MGAT5B: variants seen among roughly 807,000 people sequenced by gnomAD.
MGAT5B encodes N-acetylglucosaminyl-transferase Vb.
A neutral mutation model predicts 95.1 loss-of-function variants in MGAT5B; 54 were observed. The ratio of observed to expected loss-of-function variants is 0.57; its 90% confidence interval spans 0.46 to 0.71. MGAT5B has a LOEUF of 0.71. MGAT5B is among the 30% of genes least tolerant of loss of function. The probability of loss-of-function intolerance (pLI) is 0.00; values close to 1 mark genes in which losing one functional copy is unlikely to be tolerated. For synonymous variants in MGAT5B, 464 were observed against 451.0 expected (o/e 1.03, Z -0.36); for missense variants, 935 against 1,088.6 (o/e 0.86, Z 1.99).
chr17:76,879,732 T>G (rs2145128708), intron 2 of MGAT5B, among the ~76,000 whole-genome samples: 1 of 152,332 alleles, frequency 6.6e-6, no homozygotes, highest in Middle Eastern at 3.4e-3. Context: ...AGCTCGGTAT[T>G]GAATTTGGAT....
intron 15 of MGAT5B, among the ~76,000 whole-genome samples, chr17:76,943,036 C>G (rs1304968469): frequency 7.4e-6 from 1 of 135,174 alleles, no homozygotes; most frequent in African/African-American, 2.7e-5. Context: ...GATAACTTGC[C>G]CCCCCGGGAG....
chr17:76,934,531 T>G (rs1969592743), intron 12 of MGAT5B, among the ~76,000 whole-genome samples: 1 of 151,940 alleles, frequency 6.6e-6, no homozygotes, highest in African/African-American at 2.4e-5. Flanking sequence ...AGCTGGGAGA[T>G]GAGGCTCCCC....
intron 3 of MGAT5B, among the ~76,000 whole-genome samples, chr17:76,898,977 G>C (rs966612528): frequency 2.6e-5 from 4 of 152,222 alleles, no homozygotes; most frequent in Non-Finnish European, 5.9e-5. Flanking sequence ...GAGGACTCAG[G>C]ACTCCATTCG....
intron 3 of MGAT5B, among the ~76,000 whole-genome samples, chr17:76,882,688 C>G (rs1034102396): frequency 6.7e-6 from 1 of 150,052 alleles, no homozygotes; most frequent in Middle Eastern, 3.2e-3. Flanking sequence ...CATCTCACAG[C>G]ACATATTCCA....
At chr17:76,939,030 GT>G (rs374389694) in intron 13 of MGAT5B, among the ~76,000 whole-genome samples, 12,625 of 40,748 alleles carry the variant, frequency 0.31, 605 homozygotes, top group Non-Finnish European at 0.39. Flanking sequence ...CATCTTGGGG[GT>G]GTGTGTGTGT....
rs1307763153 is a variant in MGAT5B, at chr17:76,914,769, C to G, written c.1025+8582C>G. ...TCTCCTGCCTCAGCCTCCCGAGTAG[C>G]TGGGACTACAGGAATGTGCCACCAT... is the stretch of plus-strand genomic sequence containing the variant. On this transcript the variant is annotated intron_variant, in intron 8 of 17. Coordinates refer to ENST00000569840, the MANE Select transcript of MGAT5B (RefSeq NM_001199172.2). The surrounding 1 kb of genome is among the most constrained non-coding windows in gnomAD (Gnocchi z 5.1). Among the ~76,000 whole-genome samples, 2 of 152,150 alleles carry G rather than the reference C, an allele frequency of 1.3e-5. No individual in the cohort carries two copies. The highest frequency in any genetic ancestry group is 6.5e-5 in the Admixed American group (1 of 15,278).
intron 8 of MGAT5B, among the ~76,000 whole-genome samples, chr17:76,907,159 C>A (rs530200579): frequency 1.3e-5 from 2 of 152,010 alleles, no homozygotes; most frequent in African/African-American, 4.8e-5. Flanking sequence ...TCAAGCGATT[C>A]TCCTGCCTCA....
chr17:76,943,147 GGACT>G (rs1365446647), intron 15 of MGAT5B, among the ~76,000 whole-genome samples: 1 of 152,124 alleles, frequency 6.6e-6, no homozygotes. Flanking sequence ...ACTGGGGGAA[GGACT>G]GACTGTCTGC....
chr17:76,883,258 C>T (rs557757205), intron 3 of MGAT5B, among the ~76,000 whole-genome samples: 1 of 152,244 alleles, frequency 6.6e-6, no homozygotes, highest in Non-Finnish European at 1.5e-5. Flanking sequence ...TCTCAGCCAC[C>T]CAAAGTGCTG....
chr17:76,905,165 C>A lies in MGAT5B; in HGVS notation c.691-4C>A. Reference sequence around the variant, plus strand: ...GCAGAGAGCTGAGGTCTGGACCCCTCCAGGCAGTTTTCCGAAGCAACCTGT... The same window carrying A: ...GCAGAGAGCTGAGGTCTGGACCCCTACAGGCAGTTTTCCGAAGCAACCTGT... On this transcript the variant is annotated splice_region_variant and splice_polypyrimidine_tract_variant and intron_variant, in intron 6 of 17. Coordinates refer to ENST00000569840, the MANE Select transcript of MGAT5B (RefSeq NM_001199172.2). This position sits in a 1 kb window ranked among gnomAD's most constrained non-coding sequence, Gnocchi z 4.2. 1 of 1,607,864 alleles carries A rather than the reference C, an allele frequency of 6.2e-7. No homozygotes were observed. Among genetic ancestry groups the A allele is most frequent in the South Asian group, 1.1e-5 (1 of 90,752 alleles).
Position 76,939,025 on chromosome 17 carries a change from T to TGGGGGG in MGAT5B, c.1584+887_1584+888insGGGGGG, listed in dbSNP as rs112555397. Among the ~76,000 whole-genome samples, 44 of 128,940 alleles carry TGGGGGG rather than the reference T, an allele frequency of 3.4e-4. 1 individual carries two copies. The East Asian group carries it at 7.3e-3, about 21-fold the overall frequency. The allele number at this position is 128,940 out of a possible 152,430, so 84.6% of individuals were successfully genotyped here. ...CCATAGCTTGTTTCCCAAGGCATCT[T>TGGGGGG]GGGGGTGTGTGTGTGTGTGTGTGTG... On this transcript the variant is annotated intron_variant, in intron 13 of 17. Transcript: ENST00000569840.
In MGAT5B at chr17:76,905,172, G is replaced by C; in HGVS notation, c.694G>C (p.Val232Leu). ...APKPLPKVQAVFRSNLSHLLD... is the reference protein window; with the variant it reads ...APKPLPKVQALFRSNLSHLLD... ...GCTGAGGTCTGGACCCCTCCAGGCA[G>C]TTTTCCGAAGCAACCTGTCCCACCT... Residue 232 changes from valine (V) to leucine (L), a missense_variant, in exon 7 of 18, where the codon GTT (valine) becomes CTT (leucine). Coordinates refer to ENST00000569840, the MANE Select transcript of MGAT5B (RefSeq NM_001199172.2). This position sits in a 1 kb window ranked among gnomAD's most constrained non-coding sequence, Gnocchi z 4.2. 1 of 1,609,422 alleles carries C rather than the reference G, an allele frequency of 6.2e-7. No homozygotes were observed. The highest frequency in any genetic ancestry group is 2.2e-5 in the East Asian group (1 of 44,702).
At chr17:76,873,968 C>A (rs1406722251) in intron 2 of MGAT5B, among the ~76,000 whole-genome samples, 4 of 152,204 alleles carry the variant, frequency 2.6e-5, no homozygotes, top group African/African-American at 9.6e-5. Flanking sequence ...AATAGGTTGT[C>A]ATCTGGGTGG....
chr17:76,932,821 AG>A, intron 11 of MGAT5B, 46 bp downstream of exon 11: 2 of 1,605,368 alleles, frequency 1.2e-6, no homozygotes, highest in Non-Finnish European at 1.7e-6. Flanking sequence ...TGCTCGGCAC[AG>A]GCCCCCGCCT....
chr17:76,897,125 C>CA (rs1164972712), intron 3 of MGAT5B, among the ~76,000 whole-genome samples: 1 of 152,108 alleles, frequency 6.6e-6, no homozygotes, highest in African/African-American at 2.4e-5. Flanking sequence ...CTCTGTTGCT[C>CA]AGGCTGGTCT....
intron 15 of MGAT5B, among the ~76,000 whole-genome samples, chr17:76,942,168 T>C (rs892975060): frequency 7.2e-5 from 11 of 152,154 alleles, no homozygotes; most frequent in African/African-American, 2.7e-4. Flanking sequence ...CCTTGCTAGC[T>C]CTCAACGCAG....
chr17:76,940,516 GAGTTCTTCC>G lies in MGAT5B; in HGVS notation c.1700_1708del (p.Glu567_Arg570delinsGly). ...CCCGCCCCACAGCTCCCTCAACCAC[GAGTTCTTCC>G]GAGGCAAGCCCACCTCCAGAGAGGT... On this transcript the variant is annotated inframe_deletion, in exon 14 of 18. Coordinates refer to ENST00000569840, the MANE Select transcript of MGAT5B (RefSeq NM_001199172.2). This position sits in a 1 kb window ranked among gnomAD's most constrained non-coding sequence, Gnocchi z 4.3. 1 of 1,613,316 alleles carries G rather than the reference GAGTTCTTCC, an allele frequency of 6.2e-7. No homozygotes were observed. The highest frequency in any genetic ancestry group is 8.5e-7 in the Non-Finnish European group (1 of 1,179,568).
chr17:76,932,508 T>C, intron 10 of MGAT5B, 137 bp from the exon 11 acceptor site: 1 of 1,268,272 alleles, frequency 7.9e-7, no homozygotes, highest in Non-Finnish European at 1.1e-6. Flanking sequence ...GATTACACCC[T>C]CCCCACCGCA....
intron 3 of MGAT5B, among the ~76,000 whole-genome samples, chr17:76,891,502 C>T (rs371173879): frequency 2.0e-5 from 3 of 152,228 alleles, no homozygotes. Flanking sequence ...GCCTGAGCCT[C>T]CTGAGTAGCT....
Sources: gnomAD v4.1 joint callset for allele counts (sites outside exome capture counted in the v4.1 genomes callset) on GRCh38, gnomAD v4.1.1 for gene constraint, Gnocchi (gnomAD v3.1) non-coding constraint, MANE v1.5 for transcripts, NCBI Gene and HGNC (gene_info 2026-07-23, HGNC 2026-07-21) for gene names.